The following FLNB variants were observed in gnomAD, a reference collection of about 807,000 sequenced individuals.
FLNB encodes filamin B.
In FLNB, 111 loss-of-function variants were observed where a neutral mutation model predicts 250.6. The observed-to-expected ratio is 0.44, with a 90% CI of 0.38 to 0.52. The LOEUF is 0.52. FLNB is among the 20% of genes least tolerant of loss of function. The pLI is 0.00. For synonymous variants in FLNB, 1,302 were observed against 1,372.1 expected, an observed-to-expected ratio of 0.95 and a Z score of 1.13; for missense variants, 2,869 against 3,447.8, an observed-to-expected ratio of 0.83 and a Z score of 4.20.
At chr3:58,106,937 G>C in intron 12 of FLNB, 64 bp downstream of exon 12, 1 of 1,414,382 alleles carries the variant, frequency 7.1e-7, no homozygotes, top group Non-Finnish European at 9.9e-7. Flanking sequence ...CCCCATGCCC[G>C]AAGTTGCCTT....
chr3:58,105,180 G>A lies in FLNB; in HGVS notation c.1711G>A (p.Val571Met), dbSNP rs760127618. The A allele has an allele frequency of 2.2e-5, 36 of 1,614,218 alleles. No individual in the cohort carries two copies. The South Asian group carries it at 2.4e-4, about 11-fold the overall frequency. The change falls in exon 11 of 46, where the codon GTG (valine) becomes ATG (methionine). Residue 571 changes from valine to methionine, a missense_variant. Around this residue, in one of 5 missense-constraint regions of FLNB, gnomAD observed 1,348 missense variants for 1,466.7 expected, o/e 0.92. Transcript: ENST00000295956. ...GATTGTCGGGCGGTCAGCGGACTTC[G>A]TGGTAGAATCCATTGGCTCTGAAGT... ...GGIVGRSADFVVESIGSEVGS... is the reference protein window; with the variant it reads ...GGIVGRSADFMVESIGSEVGS...
chr3:58,022,153 G>A (rs1236803787), intron 1 of FLNB, among the ~76,000 whole-genome samples: 1 of 152,178 alleles, frequency 6.6e-6, no homozygotes, highest in Non-Finnish European at 1.5e-5. Flanking sequence ...TCCAGGGGCA[G>A]GCGCTGTGTC....
intron 1 of FLNB, among the ~76,000 whole-genome samples, chr3:58,027,425 G>C (rs1278607046): frequency 6.6e-6 from 1 of 152,056 alleles, no homozygotes; most frequent in East Asian, 1.9e-4. Context: ...ACAGGTGTGA[G>C]CCACCGTGCC....
intron 27 of FLNB, among the ~76,000 whole-genome samples, chr3:58,135,135 A>G (rs959121508): frequency 6.6e-6 from 1 of 152,208 alleles, no homozygotes; most frequent in Non-Finnish European, 1.5e-5. Context: ...GATTGCAGAC[A>G]TGAGACACTG....
At chr3:58,039,310 TAA>T (rs80189625) in intron 1 of FLNB, among the ~76,000 whole-genome samples, 66 of 128,174 alleles carry the variant, frequency 5.1e-4, no homozygotes, top group Middle Eastern at 3.9e-3. Flanking sequence ...ATTTGATAGG[TAA>T]AAAAAAAAAA....
chr3:58,037,522 T>A (rs1157836083), intron 1 of FLNB, among the ~76,000 whole-genome samples: 1 of 152,204 alleles, frequency 6.6e-6, no homozygotes. Context: ...CTCATTTTTT[T>A]TCTTGTAGTT....
chr3:58,024,853 A>G (rs2097120904), intron 1 of FLNB, among the ~76,000 whole-genome samples: 1 of 150,984 alleles, frequency 6.6e-6, no homozygotes, highest in Admixed American at 6.6e-5. Context: ...AGCTGGTACT[A>G]CAGGTGCCGC....
intron 41 of FLNB, among the ~76,000 whole-genome samples, chr3:58,156,515 G>T (rs1484126445): frequency 6.6e-6 from 1 of 152,134 alleles, no homozygotes; most frequent in Non-Finnish European, 1.5e-5. Flanking sequence ...AGTGTGCAGG[G>T]AACTATATTA....
intron 42 of FLNB, among the ~76,000 whole-genome samples, chr3:58,160,628 G>T (rs1279311471): frequency 2.6e-5 from 4 of 152,190 alleles, no homozygotes; most frequent in Admixed American, 1.3e-4. Flanking sequence ...GATGTATGAG[G>T]AGGAGACCTA....
In FLNB at chr3:58,141,146, A is replaced by G. The variant is rs115030864; in HGVS notation, c.5110-712A>G. Among the ~76,000 whole-genome samples, 879 of 152,096 alleles carry G rather than the reference A, an allele frequency of 5.8e-3. 2 individuals are homozygous for G. Among genetic ancestry groups the G allele is most frequent in the Non-Finnish European group, 8.4e-3 (572 of 67,968 alleles). On this transcript the variant is annotated intron_variant, in intron 29 of 45. Transcript: ENST00000295956. The stretch of plus-strand genomic sequence containing the variant: ...TGCACGCCTCTAGTCCCAACTGCTC[A>G]GGAGGCTGAGGTGGGAGGATCACCT...
At chr3:58,127,511 A>G (rs944423231) in intron 24 of FLNB, among the ~76,000 whole-genome samples, 36 of 152,060 alleles carry the variant, frequency 2.4e-4, no homozygotes, top group African/African-American at 8.7e-4. Flanking sequence ...CGGTTTCTCA[A>G]CTCCGGCACT....
intron 18 of FLNB, among the ~76,000 whole-genome samples, chr3:58,112,570 G>A (rs1365988610): frequency 1.3e-5 from 2 of 152,236 alleles, no homozygotes; most frequent in Non-Finnish European, 2.9e-5. Flanking sequence ...CCTTTGGTTT[G>A]CATTTTATCA....
At chr3:58,101,607 A>G (rs943059858) in intron 8 of FLNB, among the ~76,000 whole-genome samples, 1 of 152,208 alleles carries the variant, frequency 6.6e-6, no homozygotes, top group Non-Finnish European at 1.5e-5. Context: ...AGCCACCCAC[A>G]TTCTGAAGGC....
At chr3:58,026,874 C>T (rs990031588) in intron 1 of FLNB, among the ~76,000 whole-genome samples, 1 of 152,182 alleles carries the variant, frequency 6.6e-6, no homozygotes, top group African/African-American at 2.4e-5. Context: ...TTTTACTTCA[C>T]TGAGTGACTA....
At chr3:58,123,721 A>G (rs766102315) in intron 21 of FLNB, 31 bp downstream of exon 21, 1 of 1,557,654 alleles carries the variant, frequency 6.4e-7, no homozygotes, top group East Asian at 2.3e-5. Flanking sequence ...AAAAAAAAAA[A>G]AAAAAGACAA....
chr3:58,114,349 C>G (rs1249327104), intron 18 of FLNB, among the ~76,000 whole-genome samples: 1 of 152,034 alleles, frequency 6.6e-6, no homozygotes, highest in Non-Finnish European at 1.5e-5. Flanking sequence ...TTGGCCAGGC[C>G]GGTCTTGAAT....
chr3:58,043,823 C>G (rs578139665), intron 1 of FLNB, among the ~76,000 whole-genome samples: 6 of 152,174 alleles, frequency 3.9e-5, no homozygotes, highest in Admixed American at 6.5e-5. Flanking sequence ...AGGCTCCTGT[C>G]TCATGCACCC....
At chr3:58,131,904 A>G (rs1308518908) in intron 25 of FLNB, 1 of 1,508,438 alleles carries the variant, frequency 6.6e-7, no homozygotes, top group South Asian at 1.2e-5. Flanking sequence ...AAGGACTCTC[A>G]AGTAACAGCC....
At chr3:58,132,602 G>T in intron 25 of FLNB, 1 of 641,180 alleles carries the variant, frequency 1.6e-6, no homozygotes, top group Non-Finnish European at 2.8e-6. Context: ...AAAGCTAAAG[G>T]TGTCTCTCGG....
Sources: gnomAD v4.1 joint callset for allele counts (sites outside exome capture counted in the v4.1 genomes callset) on GRCh38, gnomAD v4.1.1 for gene constraint, gnomAD v4.1.1 regional missense constraint, MANE v1.5 for transcripts, NCBI Gene and HGNC (gene_info 2026-07-23, HGNC 2026-07-21) for gene names.